Variants in SHROOM3 observed in about 807,000 individuals in gnomAD.
The protein encoded by SHROOM3 is shroom family member 3.
A neutral mutation model predicts 138.6 loss-of-function variants in SHROOM3; 47 were observed. That is an observed-to-expected ratio of 0.34 (90% CI 0.27 to 0.43). The LOEUF (loss-of-function observed/expected upper bound fraction) is 0.43, where lower values mean the gene tolerates loss of function less well. Among genes scored for constraint, SHROOM3 ranks in the 20% least tolerant of loss-of-function variants. The probability of loss-of-function intolerance (pLI) is 1.00; values close to 1 mark genes in which losing one functional copy is unlikely to be tolerated. For missense variants in SHROOM3, 2,491 were observed against 2,596.5 expected (o/e 0.96, Z 0.88); for synonymous variants, 1,062 against 1,063.3 (o/e 1.00, Z 0.02).
intron 2 of SHROOM3, among the ~76,000 whole-genome samples, chr4:76,685,465 T>A (rs1248478116): frequency 6.6e-6 from 1 of 152,178 alleles, no homozygotes; most frequent in Admixed American, 6.5e-5. Context: ...CTGGGCCACA[T>A]GCGGCCTGTA....
chr4:76,611,424 G>C (rs1176109360), intron 2 of SHROOM3, among the ~76,000 whole-genome samples: 2 of 151,880 alleles, frequency 1.3e-5, no homozygotes, highest in Non-Finnish European at 2.9e-5. Context: ...TTTTCTAAGA[G>C]CCATGGCAGG....
intron 1 of SHROOM3, among the ~76,000 whole-genome samples, chr4:76,547,582 G>T (rs1271526668): frequency 6.6e-6 from 1 of 152,104 alleles, no homozygotes; most frequent in Non-Finnish European, 1.5e-5. Context: ...CCCTGCCTTC[G>T]TGGGGCTGAC....
At chr4:76,438,153 T>C (rs1398583008) in intron 1 of SHROOM3, among the ~76,000 whole-genome samples, 1 of 152,174 alleles carries the variant, frequency 6.6e-6, no homozygotes, top group African/African-American at 2.4e-5. Context: ...ATAACAATAA[T>C]ATAGGAATTT....
chr4:76,766,210 T>G (rs914165781), intron 9 of SHROOM3, among the ~76,000 whole-genome samples: 1 of 152,228 alleles, frequency 6.6e-6, no homozygotes, highest in Non-Finnish European at 1.5e-5. Context: ...GTAAAACACT[T>G]AAATGGTGTC....
chr4:76,500,049 G>A (rs1200202138), intron 1 of SHROOM3, among the ~76,000 whole-genome samples: 1 of 152,156 alleles, frequency 6.6e-6, no homozygotes, highest in Non-Finnish European at 1.5e-5. Flanking sequence ...TTGCCTAAAG[G>A]CCTCACAGCT....
At chr4:76,462,722 CTCCCTT>C (rs1394905643) in intron 1 of SHROOM3, among the ~76,000 whole-genome samples, 7 of 146,464 alleles carry the variant, frequency 4.8e-5, no homozygotes, top group African/African-American at 1.6e-4. Context: ...CCCTCTCCCT[CTCCCTT>C]TCCCTCTCCA....
chr4:76,685,117 C>T (rs1442404988), intron 2 of SHROOM3, among the ~76,000 whole-genome samples: 1 of 152,196 alleles, frequency 6.6e-6, no homozygotes, highest in African/African-American at 2.4e-5. Context: ...AATATTTTCT[C>T]TCCTAAGCAA....
intron 10 of SHROOM3, among the ~76,000 whole-genome samples, chr4:76,772,107 T>A: frequency 6.9e-6 from 1 of 145,538 alleles, no homozygotes; most frequent in East Asian, 2.0e-4. Context: ...CTTTTTCTTT[T>A]TTTTTTTTTT....
At chr4:76,598,978 G>C (rs1734447413) in intron 2 of SHROOM3, among the ~76,000 whole-genome samples, 1 of 152,126 alleles carries the variant, frequency 6.6e-6, no homozygotes, top group South Asian at 2.1e-4. Flanking sequence ...CTGAATGACA[G>C]CTGTGGGAGG....
intron 1 of SHROOM3, among the ~76,000 whole-genome samples, chr4:76,522,259 T>C (rs919473179): frequency 4.7e-5 from 7 of 148,316 alleles, no homozygotes; most frequent in Non-Finnish European, 8.9e-5. Context: ...TATATACTTA[T>C]GATATTAAGT....
chr4:76,441,909 A>G (rs763819632), intron 1 of SHROOM3, among the ~76,000 whole-genome samples: 46 of 152,094 alleles, frequency 3.0e-4, no homozygotes, highest in Non-Finnish European at 6.3e-4. Flanking sequence ...TTTAGTAGAG[A>G]CGGGGTTTCT....
At chr4:76,702,316 A>G (rs930943220) in intron 2 of SHROOM3, among the ~76,000 whole-genome samples, 2 of 152,178 alleles carry the variant, frequency 1.3e-5, no homozygotes, top group South Asian at 2.1e-4. Context: ...TCAAATGATA[A>G]GAAGATTAAC....
chr4:76,684,133 A>G (rs761898030), intron 2 of SHROOM3, among the ~76,000 whole-genome samples: 19 of 152,290 alleles, frequency 1.2e-4, no homozygotes, highest in Non-Finnish European at 2.2e-4. Flanking sequence ...TTTGCAATTA[A>G]TTTAACTATT....
rs367948600 is a variant in SHROOM3, at chr4:76,490,320, G to A, written c.168+54100G>A. Among the ~76,000 whole-genome samples the A allele has an allele frequency of 4.2e-4, 64 of 152,286 alleles. No homozygotes were observed. In the South Asian group the frequency reaches 0.012, roughly 28 times the overall value. ...CAAAATTACAAATGAAGACTTGACCGGCAATCAGTCTGATTTGTTGTGGAC... is the reference window on the plus strand; with the variant it reads ...CAAAATTACAAATGAAGACTTGACCAGCAATCAGTCTGATTTGTTGTGGAC... On this transcript the variant is annotated intron_variant, in intron 1 of 10. Coordinates refer to ENST00000296043, the MANE Select transcript of SHROOM3 (RefSeq NM_020859.4).
At chr4:76,469,170 C>T (rs967930541) in intron 1 of SHROOM3, among the ~76,000 whole-genome samples, 3 of 152,060 alleles carry the variant, frequency 2.0e-5, no homozygotes, top group African/African-American at 7.2e-5. Context: ...CACTGCACTC[C>T]AGCCTAGGCC....
intron 1 of SHROOM3, among the ~76,000 whole-genome samples, chr4:76,446,839 T>G (rs1457734936): frequency 6.6e-6 from 1 of 152,192 alleles, no homozygotes; most frequent in Non-Finnish European, 1.5e-5. Context: ...ATTTTGGTTG[T>G]CCCTTTCTAG....
chr4:76,746,472 A>G (rs1721438532), intron 5 of SHROOM3, among the ~76,000 whole-genome samples: 1 of 152,196 alleles, frequency 6.6e-6, no homozygotes. Flanking sequence ...CAATAGGCCT[A>G]TACCATATAG....
At chr4:76,634,116 C>G (rs968475421) in intron 2 of SHROOM3, among the ~76,000 whole-genome samples, 13 of 152,262 alleles carry the variant, frequency 8.5e-5, no homozygotes, top group Non-Finnish European at 4.4e-5. Context: ...CCCTCAAAAT[C>G]AAAATGAAAG....
At position 76,740,217 on chromosome 4, in the gene SHROOM3, C is replaced by T. The variant is rs1309494747; in HGVS notation, c.2044C>T (p.Arg682Trp). The change falls in exon 5 of 11, where the codon CGG becomes TGG. Residue 682 changes from arginine to tryptophan, a missense_variant. Transcript: ENST00000296043. This position sits in a 1 kb window ranked among gnomAD's most constrained non-coding sequence, Gnocchi z 4.0. ...AAGACACAGCAGCCTGGAGCTAGGC[C>T]GGGGAACCCAGGAGGGTTACCCCGG... ...LRRHSSLELG[R>W]GTQEGYPGGR... 3.1e-6 allele frequency: 5 copies of T among 1,613,498 alleles called. No individual in the cohort carries two copies. Among genetic ancestry groups the T allele is most frequent in the Non-Finnish European group, 3.4e-6 (4 of 1,180,032 alleles).
Sources: gnomAD v4.1 joint callset for allele counts (sites outside exome capture counted in the v4.1 genomes callset) on GRCh38, gnomAD v4.1.1 for gene constraint, Gnocchi (gnomAD v3.1) non-coding constraint, MANE v1.5 for transcripts, NCBI Gene and HGNC (gene_info 2026-07-23, HGNC 2026-07-21) for gene names.